The following CDH4 variants were observed in gnomAD, a reference collection of about 807,000 sequenced individuals.
CDH4 encodes cadherin 4, also known as cadherin-4.
A neutral mutation model predicts 86.0 loss-of-function variants in CDH4; 33 were observed. That is an observed-to-expected ratio of 0.38 (90% CI 0.29 to 0.51). The LOEUF (loss-of-function observed/expected upper bound fraction) is 0.51. Among genes scored for constraint, CDH4 ranks in the 20% least tolerant of loss-of-function variants. The probability of loss-of-function intolerance (pLI) is 0.86; values close to 1 mark genes in which losing one functional copy is unlikely to be tolerated. For missense variants in CDH4, 1,114 were observed against 1,307.4 expected (o/e 0.85, Z 2.28); for synonymous variants, 555 against 549.4 (o/e 1.01, Z -0.14).
rs892846463 is a variant in CDH4, at chr20:61,503,189, CG to C, written c.170-240371del. On this transcript the variant is annotated intron_variant, in intron 2 of 15. Transcript: ENST00000614565. ...GGATGGAACAACTGGCTCTAAGAAA[CG>C]GGATATACGTGATCAGGGCGAGGTC... is the stretch of plus-strand genomic sequence containing the variant. 1.0e-3 allele frequency among the ~76,000 whole-genome samples: 156 copies of C among 152,170 alleles called. 1 individual carries two copies. Among genetic ancestry groups the C allele is most frequent in the African/African-American group, 3.5e-3 (147 of 41,518 alleles).
At chr20:61,895,110 C>T (rs893532489) in intron 8 of CDH4, 63 bp downstream of exon 8, 32 of 1,562,990 alleles carry the variant, frequency 2.0e-5, no homozygotes, top group Admixed American at 5.3e-5. Context: ...CACTGGCGTG[C>T]GGCACAGCCT....
At chr20:61,895,187 C>T (rs917363344) in intron 8 of CDH4, 140 bp downstream of exon 8, 18 of 1,028,762 alleles carry the variant, frequency 1.7e-5, no homozygotes, top group African/African-American at 6.4e-5. Context: ...CCCTGGGCAG[C>T]GGAGGCTGCT....
At chr20:61,591,698 C>T (rs1413658639) in intron 2 of CDH4, among the ~76,000 whole-genome samples, 1 of 152,118 alleles carries the variant, frequency 6.6e-6, no homozygotes, top group African/African-American at 2.4e-5. Context: ...TCTGCTAAAC[C>T]CTATTGGTTT....
At chr20:61,901,411 G>A (rs1290998914) in intron 8 of CDH4, among the ~76,000 whole-genome samples, 2 of 152,246 alleles carry the variant, frequency 1.3e-5, no homozygotes, top group Non-Finnish European at 1.5e-5. Context: ...TGGTTTGTAG[G>A]TTTACGCTAT....
chr20:61,823,378 G>A (rs1181854331), intron 4 of CDH4, among the ~76,000 whole-genome samples: 1 of 13,906 alleles, frequency 7.2e-5, no homozygotes. Flanking sequence ...GATGATGGCA[G>A]TGATGAAGGT....
At chr20:61,785,490 T>C (rs973259163) in intron 4 of CDH4, among the ~76,000 whole-genome samples, 13 of 152,178 alleles carry the variant, frequency 8.5e-5, no homozygotes, top group African/African-American at 3.1e-4. Context: ...TTGTGACCCC[T>C]GGACTAACCC....
chr20:61,739,435 G>A (rs2088306154), intron 2 of CDH4, among the ~76,000 whole-genome samples: 2 of 152,328 alleles, frequency 1.3e-5, no homozygotes, highest in Admixed American at 6.5e-5. Context: ...CGGGAGACAC[G>A]GGAGGACATG....
intron 2 of CDH4, among the ~76,000 whole-genome samples, chr20:61,657,836 C>A (rs2145826900): frequency 6.6e-6 from 1 of 152,308 alleles, no homozygotes; most frequent in South Asian, 2.1e-4. Context: ...AGTAAAATAA[C>A]CTAATCCTTT....
intron 2 of CDH4, among the ~76,000 whole-genome samples, chr20:61,723,971 A>C: frequency 8.5e-6 from 1 of 117,458 alleles, no homozygotes; most frequent in African/African-American, 3.3e-5. Context: ...TGGAGGCTCC[A>C]TGTGGCAGGG....
At chr20:61,751,650 G>A (rs1298896409) in intron 3 of CDH4, among the ~76,000 whole-genome samples, 2 of 152,140 alleles carry the variant, frequency 1.3e-5, no homozygotes, top group Admixed American at 6.5e-5. Flanking sequence ...AGCTAAGACT[G>A]GTTTTTACAT....
At chr20:61,691,419 G>A in intron 2 of CDH4, among the ~76,000 whole-genome samples, 1 of 151,650 alleles carries the variant, frequency 6.6e-6, no homozygotes, top group East Asian at 2.0e-4. Flanking sequence ...ATGTGTGGAT[G>A]TGTGTGTGCG....
intron 2 of CDH4, among the ~76,000 whole-genome samples, chr20:61,720,625 A>AGTGCAGGGGTGCAGG (rs71185928): frequency 6.7e-6 from 1 of 149,612 alleles, no homozygotes. Flanking sequence ...AGGGGTGCAG[A>AGTGCAGGGGTGCAGG]GTGCCATTCC....
At chr20:61,577,451 A>G (rs991117871) in intron 2 of CDH4, among the ~76,000 whole-genome samples, 1 of 152,210 alleles carries the variant, frequency 6.6e-6, no homozygotes, top group African/African-American at 2.4e-5. Flanking sequence ...GCATGTTGAA[A>G]GATGATTGTA....
Position 61,934,151 on chromosome 20 carries a change from C to T in CDH4, c.2475C>T (p.Gly825=), listed in dbSNP as rs3753045. ...GVRRVDERPV[G]AEPQYPIRPM... Reference sequence around the variant, plus strand: ...GTCGCGTGGATGAGCGGCCGGTGGGCGCTGAGCCCCAGTACCCGATCAGGC... The same window carrying T: ...GTCGCGTGGATGAGCGGCCGGTGGGTGCTGAGCCCCAGTACCCGATCAGGC... The change falls in exon 15 of 16, where the codon GGC becomes GGT. Residue 825 remains glycine (G), a synonymous_variant. Coordinates refer to ENST00000614565, the MANE Select transcript of CDH4 (RefSeq NM_001794.5). 365,212 of 1,608,810 alleles carry T rather than the reference C, an allele frequency of 0.23. 43,291 individuals are homozygous for T. Among genetic ancestry groups the T allele is most frequent in the Middle Eastern group, 0.29 (1,664 of 5,724 alleles).
At chr20:61,780,035 T>C (rs2145996791) in intron 4 of CDH4, among the ~76,000 whole-genome samples, 1 of 152,352 alleles carries the variant, frequency 6.6e-6, no homozygotes. Flanking sequence ...CGTTGTCTCA[T>C]GGAAGCAGGG....
chr20:61,285,080 T>TG (rs1188147546), intron 2 of CDH4, among the ~76,000 whole-genome samples: 2,195 of 149,490 alleles, frequency 0.015, 38 homozygotes, highest in African/African-American at 0.044. Context: ...CTGTTTTTTT[T>TG]TTTTGTTTGT....
intron 2 of CDH4, among the ~76,000 whole-genome samples, chr20:61,320,214 A>G (rs573941395): frequency 6.6e-6 from 1 of 152,118 alleles, no homozygotes; most frequent in Non-Finnish European, 1.5e-5. Context: ...TCTCTTCCCA[A>G]GGCGTCTTAT....
At chr20:61,766,112 G>A (rs1270707239) in intron 3 of CDH4, among the ~76,000 whole-genome samples, 1 of 151,890 alleles carries the variant, frequency 6.6e-6, no homozygotes, top group Non-Finnish European at 1.5e-5. Context: ...TCCCTGGCAG[G>A]CCCCTCGGTC....
At chr20:61,456,872 G>A (rs1478095122) in intron 2 of CDH4, among the ~76,000 whole-genome samples, 1 of 152,176 alleles carries the variant, frequency 6.6e-6, no homozygotes, top group Admixed American at 6.5e-5. Context: ...AGAATAATAG[G>A]AGAACTTCTC....
Sources: gnomAD v4.1 joint callset for allele counts (sites outside exome capture counted in the v4.1 genomes callset) on GRCh38, gnomAD v4.1.1 for gene constraint, MANE v1.5 for transcripts, NCBI Gene and HGNC (gene_info 2026-07-23, HGNC 2026-07-21) for gene names.